Variants in GABRG3 observed in about 807,000 individuals in gnomAD.
GABRG3 encodes the protein gamma-aminobutyric acid type A receptor subunit gamma3.
GABRG3 carries 25 observed loss-of-function variants against 48.8 expected under a neutral mutation model. The observed-to-expected ratio is 0.51, with a 90% CI of 0.37 to 0.72. GABRG3 has a LOEUF of 0.72. GABRG3 is among the 30% of genes least tolerant of loss of function. The probability of loss-of-function intolerance (pLI) is 0.00; values close to 1 mark genes in which losing one functional copy is unlikely to be tolerated. For missense variants in GABRG3, 394 were observed against 577.9 expected (o/e 0.68, Z 3.26); for synonymous variants, 227 against 217.6 (o/e 1.04, Z -0.38).
intron 5 of GABRG3, among the ~76,000 whole-genome samples, chr15:27,448,787 G>T (rs77871516): frequency 0.031 from 4,779 of 152,144 alleles, 121 homozygotes; most frequent in Middle Eastern, 0.1. Context: ...GCCTGTACAT[G>T]TGTGCATGTG....
intron 2 of GABRG3, among the ~76,000 whole-genome samples, chr15:27,013,797 C>A (rs1259691063): frequency 6.6e-6 from 1 of 151,932 alleles, no homozygotes; most frequent in Non-Finnish European, 1.5e-5. Flanking sequence ...AGTTTCAGAC[C>A]TCCAACTTTC....
At chr15:27,301,132 A>G (rs1258397232) in intron 3 of GABRG3, among the ~76,000 whole-genome samples, 2 of 152,284 alleles carry the variant, frequency 1.3e-5, no homozygotes, top group African/African-American at 4.8e-5. Flanking sequence ...ACAGAGGTAG[A>G]GGAACCTAAG....
chr15:27,099,698 A>G (rs1897323680), intron 3 of GABRG3, among the ~76,000 whole-genome samples: 1 of 131,108 alleles, frequency 7.6e-6, no homozygotes, highest in Non-Finnish European at 1.6e-5. Context: ...GTAATATACT[A>G]AAAACATTAT....
At chr15:27,091,202 C>A (rs1897179144) in intron 3 of GABRG3, among the ~76,000 whole-genome samples, 1 of 152,140 alleles carries the variant, frequency 6.6e-6, no homozygotes, top group Non-Finnish European at 1.5e-5. Context: ...TTAACAGATA[C>A]TGTATTTTGT....
At chr15:27,282,891 A>T (rs1566992770) in intron 3 of GABRG3, among the ~76,000 whole-genome samples, 1 of 152,082 alleles carries the variant, frequency 6.6e-6, no homozygotes, top group Non-Finnish European at 1.5e-5. Context: ...ACACCCCCCC[A>T]GCCTCACTGG....
At chr15:27,050,905 C>T (rs1896444956) in intron 3 of GABRG3, among the ~76,000 whole-genome samples, 1 of 152,070 alleles carries the variant, frequency 6.6e-6, no homozygotes, top group Non-Finnish European at 1.5e-5. Context: ...CATGGTCCTG[C>T]TATTGCAAAT....
At chr15:27,297,232 A>G (rs182687115) in intron 3 of GABRG3, among the ~76,000 whole-genome samples, 116 of 152,304 alleles carry the variant, frequency 7.6e-4, no homozygotes, top group Non-Finnish European at 1.4e-3. Context: ...TTATAAAGTA[A>G]AAGTGTTACA....
intron 6 of GABRG3, among the ~76,000 whole-genome samples, chr15:27,489,148 G>C (rs910257694): frequency 6.6e-5 from 10 of 151,508 alleles, no homozygotes; most frequent in African/African-American, 2.2e-4. Context: ...CTGTTCTTAT[G>C]CTAGTTTGCT....
chr15:27,308,879 G>T (rs1892878040), intron 3 of GABRG3, among the ~76,000 whole-genome samples: 1 of 150,062 alleles, frequency 6.7e-6, no homozygotes, highest in Non-Finnish European at 1.5e-5. Context: ...TATAAAAACA[G>T]AATTTAAACA....
chr15:27,213,348 G>T (rs1332994790), intron 3 of GABRG3, among the ~76,000 whole-genome samples: 3 of 152,220 alleles, frequency 2.0e-5, no homozygotes, highest in African/African-American at 7.2e-5. Context: ...GAATTGAGAA[G>T]CTCCTCATTC....
intron 3 of GABRG3, among the ~76,000 whole-genome samples, chr15:27,134,383 C>T (rs208175): frequency 0.23 from 35,257 of 152,110 alleles, 5,317 homozygotes; most frequent in Non-Finnish European, 0.33. Context: ...CCCCCATCTC[C>T]AATTTTCTGT....
At chr15:27,530,123 C>CT (rs60616539) in intron 9 of GABRG3, among the ~76,000 whole-genome samples, 2,838 of 152,262 alleles carry the variant, frequency 0.019, 80 homozygotes, top group African/African-American at 0.063. Context: ...TTGGCAGCCT[C>CT]TGAGTAATGA....
intron 2 of GABRG3, among the ~76,000 whole-genome samples, chr15:27,021,530 C>T (rs1178079519): frequency 6.6e-6 from 1 of 152,172 alleles, no homozygotes; most frequent in Non-Finnish European, 1.5e-5. Flanking sequence ...CTAAAAGACC[C>T]CAGACACTTA....
At chr15:27,218,275 G>A (rs11635557) in intron 3 of GABRG3, among the ~76,000 whole-genome samples, 39,956 of 151,988 alleles carry the variant, frequency 0.26, 5,929 homozygotes, top group South Asian at 0.45. Context: ...AGAGTCACAG[G>A]TGTGACAAAA....
intron 3 of GABRG3, among the ~76,000 whole-genome samples, chr15:27,195,815 A>C (rs1433801932): frequency 3.3e-5 from 5 of 152,034 alleles, no homozygotes; most frequent in African/African-American, 1.2e-4. Flanking sequence ...TTGTATTTTT[A>C]GTAGAGACGG....
At chr15:26,972,970 G>A (rs1894874106) in intron 1 of GABRG3, among the ~76,000 whole-genome samples, 1 of 152,180 alleles carries the variant, frequency 6.6e-6, no homozygotes, top group Non-Finnish European at 1.5e-5. Flanking sequence ...GCAAGCAATG[G>A]AAACATGCTT....
intron 5 of GABRG3, among the ~76,000 whole-genome samples, chr15:27,407,257 G>T (rs1173369386): frequency 6.6e-6 from 1 of 152,076 alleles, no homozygotes; most frequent in East Asian, 1.9e-4. Flanking sequence ...AAAATAATTG[G>T]CTGCCACTTA....
At chr15:27,030,828 G>A (rs917364588) in intron 3 of GABRG3, among the ~76,000 whole-genome samples, 15 of 152,050 alleles carry the variant, frequency 9.9e-5, no homozygotes, top group Admixed American at 2.0e-4. Context: ...TTCTGAGTGT[G>A]ACCTGCTTGG....
At chr15:27,298,528 G>A (rs189354509) in intron 3 of GABRG3, among the ~76,000 whole-genome samples, 53 of 152,148 alleles carry the variant, frequency 3.5e-4, no homozygotes, top group East Asian at 2.5e-3. Context: ...AAATCAGCAC[G>A]TTACATAAGA....
Sources: allele counts gnomAD v4.1 joint callset (sites outside exome capture counted in the v4.1 genomes callset), GRCh38; gene constraint gnomAD v4.1.1; transcripts MANE v1.5; gene names NCBI Gene and HGNC (gene_info 2026-07-23, HGNC 2026-07-21).